The following SDK2 variants were observed in gnomAD, a reference collection of about 807,000 sequenced individuals.
SDK2 encodes the protein protein sidekick-2.
Under a neutral mutation model 253.9 loss-of-function variants are expected in SDK2, and 105 were observed. The ratio of observed to expected loss-of-function variants is 0.41; its 90% CI spans 0.35 to 0.49. The LOEUF (loss-of-function observed/expected upper bound fraction) is 0.49. SDK2 is among the 20% of genes least tolerant of loss of function. The pLI is 0.06. For missense variants in SDK2, 2,608 were observed against 3,003.0 expected, an observed-to-expected ratio of 0.87 and a Z score of 3.07; for synonymous variants, 1,249 against 1,234.9, an observed-to-expected ratio of 1.01 and a Z score of -0.24.
At position 73,629,534 on chromosome 17, in the gene SDK2, G is replaced by C. The variant is rs1405324887; in HGVS notation, c.64+14491C>G. Among the ~76,000 whole-genome samples the C allele has an allele frequency of 6.6e-6, 1 of 152,180 alleles. No individual in the cohort carries two copies. The highest frequency in any genetic ancestry group is 2.4e-5 in the African/African-American group (1 of 41,430). ...TGTCTATAATTGCTGCTTGGTATCAGTAAGGATGAAAAAGAAGACCCCAGC... is the reference window on the plus strand; with the variant it reads ...TGTCTATAATTGCTGCTTGGTATCACTAAGGATGAAAAAGAAGACCCCAGC... On this transcript the variant is annotated intron_variant, in intron 1 of 44. Transcript: ENST00000392650. This position sits in a 1 kb window ranked among gnomAD's most constrained non-coding sequence, Gnocchi z 5.0.
At chr17:73,539,861 G>C (rs576534308) in intron 1 of SDK2, among the ~76,000 whole-genome samples, 1 of 152,012 alleles carries the variant, frequency 6.6e-6, no homozygotes, top group Non-Finnish European at 1.5e-5. Context: ...GGAGTCATGC[G>C]GCTGTGAGCT....
rs751520516 is a variant in SDK2, at chr17:73,433,810, T to A, written c.1234A>T (p.Thr412Ser). The change falls in exon 10 of 45, where the codon ACG (threonine) becomes TCG (serine). Residue 412 changes from threonine to serine, a missense_variant. This residue lies in a region of SDK2 where 1,505 missense variants were observed against 1,859.1 expected (regional missense o/e 0.81). Transcript: ENST00000392650. ...PNITRGPLDS[T>S]VIDGMSVVLA... ...ACCACTGACATGCCATCGATCACCGTGCTGTCCAGGGGGCCTCTGGTGATG... is the reference window on the plus strand; with the variant it reads ...ACCACTGACATGCCATCGATCACCGAGCTGTCCAGGGGGCCTCTGGTGATG... 2.5e-6 allele frequency: 4 copies of A among 1,599,466 alleles called. No individual in the cohort carries two copies. Among genetic ancestry groups the A allele is most frequent in the Non-Finnish European group, 3.4e-6 (4 of 1,173,036 alleles).
intron 1 of SDK2, among the ~76,000 whole-genome samples, chr17:73,589,750 T>C (rs1188482129): frequency 1.3e-5 from 2 of 152,164 alleles, no homozygotes; most frequent in Admixed American, 1.3e-4. Flanking sequence ...AAGAGAGCAA[T>C]AAGCCTCATC....
Position 73,416,007 on chromosome 17 carries a change from C to A in SDK2, c.2187-15G>T, listed in dbSNP as rs377638484. 6.2e-7 allele frequency: 1 copy of A among 1,603,828 alleles called. No homozygotes were observed. Reference sequence around the variant, plus strand: ...CCAGGCAGTACCTGAGGGGAAGAGGCGAGGCACAGTGGAGTCAGAGTCAGC... The same window carrying A: ...CCAGGCAGTACCTGAGGGGAAGAGGAGAGGCACAGTGGAGTCAGAGTCAGC... On this transcript the variant is annotated splice_polypyrimidine_tract_variant and intron_variant, in intron 16 of 44. Transcript: ENST00000392650.
rs986663754 is a variant in SDK2 at position 73,590,151 on chromosome 17, G to A, written c.64+53874C>T. Among the ~76,000 whole-genome samples the A allele has an allele frequency of 6.6e-5, 10 of 152,222 alleles. No individual in the cohort carries two copies. The East Asian group carries it at 7.7e-4, about 12-fold the overall frequency. On this transcript the variant is annotated intron_variant, in intron 1 of 44. Transcript: ENST00000392650. ...GATGAGGGCCTTTGAGAAGGGGGAG[G>A]CAATTGACGAAAGAAGACATTTAGC... is the stretch of plus-strand genomic sequence containing the variant.
At chr17:73,439,222 TC>T (rs1414763483) in intron 6 of SDK2, among the ~76,000 whole-genome samples, 2 of 152,138 alleles carry the variant, frequency 1.3e-5, no homozygotes, top group Non-Finnish European at 2.9e-5. Flanking sequence ...ATTGGAAGCT[TC>T]CTGAGGCCTC....
chr17:73,546,841 A>G (rs1482232708), intron 1 of SDK2, among the ~76,000 whole-genome samples: 1 of 152,232 alleles, frequency 6.6e-6, no homozygotes, highest in Non-Finnish European at 1.5e-5. Context: ...CACTCAAGTT[A>G]TCAGGGTCTT....
At chr17:73,567,297 T>G (rs2045326464) in intron 1 of SDK2, among the ~76,000 whole-genome samples, 1 of 152,250 alleles carries the variant, frequency 6.6e-6, no homozygotes. Flanking sequence ...TGGTGAAGCC[T>G]GCAGGCACAC....
At chr17:73,537,466 A>G (rs994797411) in intron 1 of SDK2, among the ~76,000 whole-genome samples, 9 of 152,116 alleles carry the variant, frequency 5.9e-5, no homozygotes, top group South Asian at 2.1e-4. Context: ...AGTTGGATCT[A>G]TTGACCCAGC....
intron 1 of SDK2, among the ~76,000 whole-genome samples, chr17:73,547,883 G>A (rs955186587): frequency 5.9e-5 from 9 of 152,158 alleles, no homozygotes; most frequent in Middle Eastern, 3.2e-3. Context: ...TCACAGTTCC[G>A]CAGGCTTACT....
chr17:73,452,185 G>A (rs1335436697), intron 4 of SDK2, among the ~76,000 whole-genome samples: 2 of 152,154 alleles, frequency 1.3e-5, no homozygotes, highest in African/African-American at 4.8e-5. Context: ...GCAACAATGA[G>A]CACCGGGGCA....
intron 1 of SDK2, among the ~76,000 whole-genome samples, chr17:73,530,897 A>G (rs1010346406): frequency 6.6e-6 from 1 of 152,186 alleles, no homozygotes. Context: ...GACAAGGGGC[A>G]TAAGACTCTC....
chr17:73,622,738 G>C (rs1443994065), intron 1 of SDK2, among the ~76,000 whole-genome samples: 1 of 152,242 alleles, frequency 6.6e-6, no homozygotes. Flanking sequence ...TTCTTCAGTG[G>C]ATTTCCTAGA....
At chr17:73,540,352 T>C (rs1220158298) in intron 1 of SDK2, among the ~76,000 whole-genome samples, 2 of 152,208 alleles carry the variant, frequency 1.3e-5, no homozygotes, top group Non-Finnish European at 2.9e-5. Flanking sequence ...CCTGACTTTA[T>C]TCTCCAATAA....
intron 38 of SDK2, 125 bp downstream of exon 38, chr17:73,365,133 T>G: frequency 1.5e-6 from 1 of 645,360 alleles, no homozygotes; most frequent in Non-Finnish European, 2.4e-6. Flanking sequence ...TCAGTTTCCG[T>G]GTTTATAAGA....
chr17:73,560,642 A>G (rs1728077556), intron 1 of SDK2, among the ~76,000 whole-genome samples: 1 of 150,700 alleles, frequency 6.6e-6, no homozygotes, highest in Non-Finnish European at 1.5e-5. Flanking sequence ...GCCTGGCCTC[A>G]TTAACCCTTC....
At position 73,566,668 on chromosome 17, in the gene SDK2, T is replaced by C. The variant is rs76369580; in HGVS notation, c.65-59071A>G. Among the ~76,000 whole-genome samples the C allele has an allele frequency of 9.0e-3, 1,368 of 152,246 alleles. 24 individuals are homozygous for C. Among genetic ancestry groups the C allele is most frequent in the African/African-American group, 0.032 (1,325 of 41,528 alleles). On this transcript the variant is annotated intron_variant, in intron 1 of 44. Coordinates refer to ENST00000392650, the MANE Select transcript of SDK2 (RefSeq NM_001144952.2). ...TTAAAAACTGGAGTGAAGATCACCCTGGTTATGCCTTAATAAAAATCTGGG... is the reference window on the plus strand; with the variant it reads ...TTAAAAACTGGAGTGAAGATCACCCCGGTTATGCCTTAATAAAAATCTGGG...
intron 1 of SDK2, among the ~76,000 whole-genome samples, chr17:73,542,766 C>T (rs2044890308): frequency 6.6e-6 from 1 of 152,018 alleles, no homozygotes; most frequent in African/African-American, 2.4e-5. Context: ...CCTGGGCCTG[C>T]AACAGGCCTG....
At chr17:73,632,750 A>T (rs1321277624) in intron 1 of SDK2, among the ~76,000 whole-genome samples, 1 of 152,158 alleles carries the variant, frequency 6.6e-6, no homozygotes, top group Non-Finnish European at 1.5e-5. Flanking sequence ...CAGCACAGAA[A>T]ATTTTAAACA....
Sources: allele counts gnomAD v4.1 joint callset (sites outside exome capture counted in the v4.1 genomes callset), GRCh38; gene constraint gnomAD v4.1.1; regional missense constraint gnomAD v4.1.1; non-coding constraint Gnocchi (gnomAD v3.1); transcripts MANE v1.5; gene names NCBI Gene and HGNC (gene_info 2026-07-23, HGNC 2026-07-21).